Variants in KHNYN observed in about 807,000 individuals in gnomAD.
KHNYN encodes the protein protein KHNYN.
KHNYN carries 42 observed loss-of-function variants against 62.7 expected under a neutral mutation model. The ratio of observed to expected loss-of-function variants is 0.67; its 90% confidence interval spans 0.52 to 0.87. KHNYN has a LOEUF of 0.87. Among genes scored for constraint, KHNYN ranks in the 40% least tolerant of loss-of-function variants. The pLI, the probability that KHNYN is intolerant of heterozygous loss-of-function variation, is 0.00. For missense variants in KHNYN, 829 were observed against 874.1 expected, an observed-to-expected ratio of 0.95 and a Z score of 0.65; for synonymous variants, 347 against 345.6, an observed-to-expected ratio of 1.00 and a Z score of -0.04.
At chr14:24,429,597 C>T (rs2043066797), upstream of KHNYN, 2 of 875,192 alleles carry the variant, frequency 2.3e-6, no homozygotes, top group African/African-American at 1.8e-5. Flanking sequence ...CCTCCCGCCT[C>T]CCGCCTACCC....
At chr14:24,429,789 G>C (rs1450108909), upstream of KHNYN, 1 of 1,085,778 alleles carries the variant, frequency 9.2e-7, no homozygotes, top group East Asian at 1.0e-4. Flanking sequence ...AGACAGACGG[G>C]AGGGCTGGTG....
Position 24,440,434 on chromosome 14 carries a change from CAGG to C in KHNYN, c.*3150_*3152del. ...CTGAGCCGATGGGGCCCCCCAGGCC[CAGG>C]CGAAAGGGCAGCAGCATGTGGCCCA... is the stretch of plus-strand genomic sequence containing the variant. On this transcript the variant is annotated 3_prime_UTR_variant, in exon 8 of 8. Coordinates refer to ENST00000553935, the MANE Select transcript of KHNYN (RefSeq NM_015299.3). 1.2e-6 allele frequency: 2 copies of C among 1,612,528 alleles called. No homozygotes were observed.
Position 24,432,376 on chromosome 14 carries a change from A to G in KHNYN, c.1115A>G (p.Asp372Gly). 6.2e-7 allele frequency: 1 copy of G among 1,613,664 alleles called. No homozygotes were observed. The highest frequency in any genetic ancestry group is 1.1e-5 in the South Asian group (1 of 91,076). The change falls in exon 3 of 8, where the codon GAC becomes GGC. Residue 372 changes from aspartate to glycine, a missense_variant. Transcript: ENST00000553935. The surrounding 1 kb of genome is among the most constrained non-coding windows in gnomAD (Gnocchi z 5.6). ...PAPEPPWHCGDRGDCGDRGDV... is the reference protein window; with the variant it reads ...PAPEPPWHCGGRGDCGDRGDV... ...CCGGAACCCCCATGGCACTGTGGAG[A>G]CCGGGGTGACTGCGGAGACCGGGGA...
Position 24,441,494 on chromosome 14 carries a change from T to C in KHNYN, c.*4209T>C, listed in dbSNP as rs2043337595. 1.8e-6 allele frequency: 1 copy of C among 567,668 alleles called. No homozygotes were observed. Among genetic ancestry groups the C allele is most frequent in the Non-Finnish European group, 3.0e-6 (1 of 334,944 alleles). The allele number at this position is 567,668 out of a possible 1,614,324, so 35.2% of individuals were successfully genotyped here. A position where few individuals can be genotyped will look rare whatever the true frequency, so the allele number is the denominator to read the frequency against. ...AGTGATGCCACTCCCCACTGTTTTTTCAGGGTCTCAATTTCTTAGTGAAAG... is the reference window on the plus strand; with the variant it reads ...AGTGATGCCACTCCCCACTGTTTTTCCAGGGTCTCAATTTCTTAGTGAAAG... On this transcript the variant is annotated 3_prime_UTR_variant, in exon 8 of 8. Coordinates refer to ENST00000553935, the MANE Select transcript of KHNYN (RefSeq NM_015299.3).
At chr14:24,427,951 T>C (rs144101051), upstream of KHNYN, 1 of 1,613,752 alleles carries the variant, frequency 6.2e-7, no homozygotes, top group Non-Finnish European at 8.5e-7. This position sits in a 1 kb window ranked among gnomAD's most constrained non-coding sequence, Gnocchi z 4.4. Context: ...TGGCAAAGGC[T>C]GAGATGACAG....
chr14:24,437,350 TGA>T lies in KHNYN; in HGVS notation c.*69_*70del. ...GCCGCCTCCAGCTCAGCCCTTTCTGTGAGAGTCCCTCTGCTGCTCACTCTGAT... is the reference window on the plus strand; with the variant it reads ...GCCGCCTCCAGCTCAGCCCTTTCTGTGAGTCCCTCTGCTGCTCACTCTGAT... On this transcript the variant is annotated 3_prime_UTR_variant, in exon 8 of 8. Coordinates refer to ENST00000553935, the MANE Select transcript of KHNYN (RefSeq NM_015299.3). The surrounding 1 kb of genome is among the most constrained non-coding windows in gnomAD (Gnocchi z 5.5). 19 of 1,552,790 alleles carry T rather than the reference TGA, an allele frequency of 1.2e-5. No homozygotes were observed. The highest frequency in any genetic ancestry group is 7.2e-5 in the Admixed American group (4 of 55,316).
In KHNYN at chr14:24,430,756, C is replaced by T. The variant is rs753116465; in HGVS notation, c.26C>T (p.Ala9Val). The change falls in exon 2 of 8, where the codon GCG becomes GTG. Residue 9 changes from alanine to valine, a missense_variant. Transcript: ENST00000553935. ...ATGCCTACCTGGGGGGCCCGCCCCG[C>T]GTCCCCAGATCGCTTTGCGGTGTCT... MPTWGARPASPDRFAVSAE... is the reference protein window; with the variant it reads MPTWGARPVSPDRFAVSAE... 2 of 1,579,602 alleles carry T rather than the reference C, an allele frequency of 1.3e-6. No homozygotes were observed. The highest frequency in any genetic ancestry group is 1.2e-5 in the South Asian group (1 of 86,710).
chr14:24,436,320 T>A (rs2043203620), intron 6 of KHNYN, 68 bp from the exon 7 acceptor site: 3 of 1,454,822 alleles, frequency 2.1e-6, no homozygotes, highest in Non-Finnish European at 2.9e-6. Context: ...CTGGTGATAC[T>A]GGTCTCGGTT....
intron 5 of KHNYN, 83 bp from the exon 6 acceptor site, chr14:24,435,989 T>A: frequency 9.7e-7 from 1 of 1,035,866 alleles, no homozygotes; most frequent in East Asian, 2.4e-5. Flanking sequence ...AGGCTTTTAA[T>A]GTAACCATGA....
At chr14:24,426,967 T>A (rs1464605735), upstream of KHNYN, 1 of 152,294 alleles carries the variant, frequency 6.6e-6, no homozygotes, top group Non-Finnish European at 1.5e-5. Flanking sequence ...TGGAGCAGTT[T>A]CAGGAGGTGG....
chr14:24,432,422 C>A lies in KHNYN; in HGVS notation c.1161C>A (p.Asp387Glu). 1 of 1,613,432 alleles carries A rather than the reference C, an allele frequency of 6.2e-7. No individual in the cohort carries two copies. Among genetic ancestry groups the A allele is most frequent in the Non-Finnish European group, 8.5e-7 (1 of 1,179,778 alleles). The change falls in exon 3 of 8, where the codon GAC becomes GAA. Residue 387 changes from aspartate (D) to glutamate (E), a missense_variant. Asp to Glu is a conservative substitution (Grantham distance 45). Coordinates refer to ENST00000553935, the MANE Select transcript of KHNYN (RefSeq NM_015299.3). This position sits in a 1 kb window ranked among gnomAD's most constrained non-coding sequence, Gnocchi z 5.6. Reference protein sequence around the residue: ...GDRGDVGDRGDKQQGMARGRG... With the variant: ...GDRGDVGDRGEKQQGMARGRG... Reference sequence around the variant, plus strand: ...GGGGAGACGTGGGGGACAGGGGAGACAAGCAGCAGGGCATGGCACGGGGTC... The same window carrying A: ...GGGGAGACGTGGGGGACAGGGGAGAAAAGCAGCAGGGCATGGCACGGGGTC...
At chr14:24,436,844 T>C (rs569478089) in intron 7 of KHNYN, among the ~76,000 whole-genome samples, 192 bp from the exon 8 acceptor site, 6 of 152,350 alleles carry the variant, frequency 3.9e-5, no homozygotes, top group African/African-American at 7.2e-5. Context: ...GAGTTCACCC[T>C]GTTTCTAAAA....
upstream of KHNYN, chr14:24,427,446 T>G: frequency 1.0e-5 from 3 of 289,710 alleles, no homozygotes; most frequent in South Asian, 3.5e-5. The surrounding 1 kb of genome is among the most constrained non-coding windows in gnomAD (Gnocchi z 4.4). Context: ...CTGATCAGCA[T>G]TGAGCAGGAA....
chr14:24,432,161 A>C lies in KHNYN; in HGVS notation c.900A>C (p.Ala300=). The change falls in exon 3 of 8, where the codon GCA becomes GCC. Residue 300 remains alanine, a synonymous_variant. Transcript: ENST00000553935. This position sits in a 1 kb window ranked among gnomAD's most constrained non-coding sequence, Gnocchi z 5.6. ...TGGGTGGAGGGGCAAGGGAGTCAGC[A>C]CCCCTGAAAGGGAAGGCCCTGGGGA... ...QSVGGGARES[A]PLKGKALGKE... The C allele has an allele frequency of 6.4e-7, 1 of 1,559,144 alleles. No individual in the cohort carries two copies. Among genetic ancestry groups the C allele is most frequent in the South Asian group, 1.2e-5 (1 of 82,402 alleles).
chr14:24,428,777 C>A (rs758329838), upstream of KHNYN: 29 of 1,601,190 alleles, frequency 1.8e-5, 1 homozygote, highest in South Asian at 2.2e-5. Flanking sequence ...GATGGCCCCA[C>A]TGGTGCCATT....
Position 24,430,781 on chromosome 14 carries a change from T to A in KHNYN, c.51T>A (p.Ser17=). 6.2e-7 allele frequency: 1 copy of A among 1,600,972 alleles called. No homozygotes were observed. The highest frequency in any genetic ancestry group is 8.5e-7 in the Non-Finnish European group (1 of 1,173,832). The change falls in exon 2 of 8, where the codon TCT becomes TCA. Residue 17 remains serine, a synonymous_variant. Coordinates refer to ENST00000553935, the MANE Select transcript of KHNYN (RefSeq NM_015299.3). ...CGTCCCCAGATCGCTTTGCGGTGTCTGCGGAGGCTGAGAACAAGGTTCGGG... is the reference window on the plus strand; with the variant it reads ...CGTCCCCAGATCGCTTTGCGGTGTCAGCGGAGGCTGAGAACAAGGTTCGGG... ...RPASPDRFAV[S]AEAENKVREQ...
Position 24,430,933 on chromosome 14 carries a change from T to C in KHNYN, c.201+2T>C, listed in dbSNP as rs781143096. 8 of 1,609,660 alleles carry C rather than the reference T, an allele frequency of 5.0e-6. No individual in the cohort carries two copies. The highest frequency in any genetic ancestry group is 2.7e-5 in the African/African-American group (2 of 74,820). On this transcript the variant is annotated splice_donor_variant, in intron 2 of 7. Coordinates refer to ENST00000553935, the MANE Select transcript of KHNYN (RefSeq NM_015299.3). LOFTEE classifies it high-confidence loss of function. ...AAGGAAAACGCCAGCAGAGCCAAGG[T>C]GAACGCCTTCTCTCCCCCATCCCTC... is the stretch of plus-strand genomic sequence containing the variant.
In KHNYN at chr14:24,437,148, G is replaced by A. The variant is rs1476276158; in HGVS notation, c.1900G>A (p.Glu634Lys). The change falls in exon 8 of 8, where the codon GAA becomes AAA. Residue 634 changes from glutamate (E) to lysine (K), a missense_variant. This residue lies in a region of KHNYN where 270 missense variants were observed against 347.1 expected (regional missense o/e 0.78). Transcript: ENST00000553935. This position sits in a 1 kb window ranked among gnomAD's most constrained non-coding sequence, Gnocchi z 5.5. ...KGSGGIRKTR[E>K]TERLRRQLLE... is the part of the protein sequence containing the mutation. ...TAGTGGTGGCATTCGGAAGACCCGG[G>A]AAACAGAGCGGCTCCGGCGGCAGCT... is the stretch of plus-strand genomic sequence containing the variant. The A allele has an allele frequency of 2.5e-6, 4 of 1,614,078 alleles. No individual in the cohort carries two copies. The highest frequency in any genetic ancestry group is 1.3e-5 in the African/African-American group (1 of 74,916).
rs11622189 is a variant in KHNYN at position 24,438,653 on chromosome 14, C to T, written c.*1368C>T. On this transcript the variant is annotated 3_prime_UTR_variant, in exon 8 of 8. Transcript: ENST00000553935. ...CAGGGTAGCACATTCCCTGTGTAGACGGTATTAATCAGTACTCCTTACTTT... is the reference window on the plus strand; with the variant it reads ...CAGGGTAGCACATTCCCTGTGTAGATGGTATTAATCAGTACTCCTTACTTT... 0.38 allele frequency: 58,331 copies of T among 151,876 alleles called. 12,463 individuals are homozygous for T. The highest frequency in any genetic ancestry group is 0.5 in the Non-Finnish European group (33,857 of 67,922). 9.4% of individuals were successfully genotyped at this position (151,876 alleles called of 1,614,324 possible). A position where few individuals can be genotyped will look rare whatever the true frequency, so the allele number is the denominator to read the frequency against.
Sources: gnomAD v4.1 joint callset for allele counts (sites outside exome capture counted in the v4.1 genomes callset) on GRCh38, gnomAD v4.1.1 for gene constraint, gnomAD v4.1.1 regional missense constraint, Gnocchi (gnomAD v3.1) non-coding constraint, MANE v1.5 for transcripts, NCBI Gene and HGNC (gene_info 2026-07-23, HGNC 2026-07-21) for gene names.